Variants in SAMTOR observed in about 807,000 individuals in gnomAD.
SAMTOR encodes UPF0532 protein C7orf60.
chr7:112,930,539 A>G, the SAMTOR span, among the ~76,000 whole-genome samples: 6 of 151,974 alleles, frequency 3.9e-5, no homozygotes, highest in South Asian at 2.1e-4. Context: ...AAAAAAAAAA[A>G]AAGAAGAAAA....
the SAMTOR span, among the ~76,000 whole-genome samples, chr7:112,891,466 TTC>T: frequency 2.0e-5 from 3 of 152,234 alleles, no homozygotes; most frequent in Non-Finnish European, 2.9e-5. Context: ...CATAATTATT[TTC>T]TGTGTCTATC....
chr7:112,915,168 G>A, the SAMTOR span: 1 of 668,230 alleles, frequency 1.5e-6, no homozygotes, highest in Non-Finnish European at 2.3e-6. Flanking sequence ...AACCCGGGAG[G>A]TGGAGGTTGC....
chr7:112,912,413 TGTCA>T, the SAMTOR span, among the ~76,000 whole-genome samples: 470 of 152,202 alleles, frequency 3.1e-3, 7 homozygotes, highest in African/African-American at 0.01. Flanking sequence ...GGCAGGATAA[TGTCA>T]GTAAGGCTTA....
the SAMTOR span, among the ~76,000 whole-genome samples, chr7:112,853,686 C>T: frequency 6.6e-6 from 1 of 152,104 alleles, no homozygotes; most frequent in Non-Finnish European, 1.5e-5. Context: ...CAGAGGCATT[C>T]TCTAGAGTCA....
At chr7:112,841,280 A>G in the SAMTOR span, among the ~76,000 whole-genome samples, 1 of 152,170 alleles carries the variant, frequency 6.6e-6, no homozygotes, top group Non-Finnish European at 1.5e-5. Context: ...ATTCGTATAC[A>G]CCAATAATAG....
At chr7:112,939,381 C>T in the SAMTOR span, 19 of 692,634 alleles carry the variant, frequency 2.7e-5, no homozygotes, top group East Asian at 1.1e-4. Flanking sequence ...CTAGAACTCT[C>T]CCGAAGGGCC....
At chr7:112,933,090 C>G in the SAMTOR span, among the ~76,000 whole-genome samples, 1 of 152,114 alleles carries the variant, frequency 6.6e-6, no homozygotes, top group African/African-American at 2.4e-5. Flanking sequence ...ACCCTGAAGA[C>G]ATAAAGACAG....
the SAMTOR span, among the ~76,000 whole-genome samples, chr7:112,915,033 G>A: frequency 6.6e-6 from 1 of 152,214 alleles, no homozygotes; most frequent in East Asian, 1.9e-4. Context: ...GAGGTCAGGA[G>A]TTTGAGACCA....
At chr7:112,851,925 A>G in the SAMTOR span, among the ~76,000 whole-genome samples, 73 of 152,350 alleles carry the variant, frequency 4.8e-4, no homozygotes, top group South Asian at 5.8e-3. Flanking sequence ...TAATCATGTG[A>G]AATCACAATG....
chr7:112,887,075 A>G, the SAMTOR span, among the ~76,000 whole-genome samples: 10 of 152,218 alleles, frequency 6.6e-5, no homozygotes, highest in Middle Eastern at 3.4e-3. Flanking sequence ...CTGAGGCAGA[A>G]GAATTGCTTG....
At chr7:112,916,357 T>A in the SAMTOR span, among the ~76,000 whole-genome samples, 1 of 152,200 alleles carries the variant, frequency 6.6e-6, no homozygotes, top group African/African-American at 2.4e-5. Flanking sequence ...GTAGTTTCAT[T>A]CACTGTCCTT....
At chr7:112,838,316 A>G in the SAMTOR span, among the ~76,000 whole-genome samples, 2 of 151,954 alleles carry the variant, frequency 1.3e-5, no homozygotes, top group African/African-American at 4.8e-5. Context: ...CTATGTTTAT[A>G]AGTGGGCAAG....
the SAMTOR span, among the ~76,000 whole-genome samples, chr7:112,867,162 T>A: frequency 1.3e-5 from 2 of 152,148 alleles, no homozygotes; most frequent in Admixed American, 6.6e-5. Context: ...GAAATGAAAA[T>A]TAAAATAGTG....
At chr7:112,874,006 G>A in the SAMTOR span, among the ~76,000 whole-genome samples, 2 of 151,942 alleles carry the variant, frequency 1.3e-5, no homozygotes, top group Admixed American at 1.3e-4. Context: ...ATGAGACACC[G>A]TCTCATATCA....
the SAMTOR span, among the ~76,000 whole-genome samples, chr7:112,884,235 G>A: frequency 6.6e-6 from 1 of 152,082 alleles, no homozygotes; most frequent in African/African-American, 2.4e-5. Context: ...AGATTTGGGT[G>A]GGGACAATGC....
the SAMTOR span, among the ~76,000 whole-genome samples, chr7:112,847,031 C>T: frequency 6.6e-6 from 1 of 152,156 alleles, no homozygotes; most frequent in African/African-American, 2.4e-5. Flanking sequence ...GATTTGTAAT[C>T]ATGTAGTCCA....
the SAMTOR span, among the ~76,000 whole-genome samples, chr7:112,906,651 C>T: frequency 6.6e-6 from 1 of 151,386 alleles, no homozygotes; most frequent in Non-Finnish European, 1.5e-5. Flanking sequence ...TCACTGCAAC[C>T]TCCTCCGCCT....
the SAMTOR span, among the ~76,000 whole-genome samples, chr7:112,916,615 G>A: frequency 8.5e-5 from 13 of 152,286 alleles, no homozygotes; most frequent in East Asian, 3.9e-4. Context: ...GCAGTGCACC[G>A]TGTGGGAGCC....
the SAMTOR span, among the ~76,000 whole-genome samples, chr7:112,842,873 CA>C: frequency 6.6e-6 from 1 of 152,038 alleles, no homozygotes; most frequent in East Asian, 1.9e-4. Flanking sequence ...ACTTTACTTC[CA>C]CATTAATATA....
Sources: gnomAD v4.1 joint callset for allele counts (sites outside exome capture counted in the v4.1 genomes callset) on GRCh38, gnomAD v4.1.1 for gene constraint, MANE v1.5 for transcripts, NCBI Gene and HGNC (gene_info 2026-07-23, HGNC 2026-07-21) for gene names.